The following TLE4 variants were observed in gnomAD, a reference collection of about 807,000 sequenced individuals.
TLE4 encodes TLE family member 4, transcriptional corepressor.
TLE4 carries 8 observed loss-of-function variants against 92.8 expected under a neutral mutation model. That is an observed-to-expected ratio of 0.09 (90% confidence interval 0.05 to 0.16). The LOEUF (loss-of-function observed/expected upper bound fraction) is 0.16, where lower values mean the gene tolerates loss of function less well. TLE4 is among the 10% of genes least tolerant of loss of function. The pLI is 1.00. For missense variants in TLE4, 675 were observed against 997.6 expected (o/e 0.68, Z 4.36); for synonymous variants, 371 against 374.1 (o/e 0.99, Z 0.10).
At chr9:79,639,979 A>T (rs1256410650) in intron 6 of TLE4, among the ~76,000 whole-genome samples, 2 of 152,200 alleles carry the variant, frequency 1.3e-5, no homozygotes, top group Non-Finnish European at 2.9e-5. Flanking sequence ...GAACTACTTA[A>T]GTGAACTCAG....
intron 6 of TLE4, among the ~76,000 whole-genome samples, chr9:79,628,125 G>A (rs1173167522): frequency 6.6e-6 from 1 of 151,644 alleles, no homozygotes; most frequent in African/African-American, 2.4e-5. Context: ...AAAATAATGT[G>A]CTGAAACTTA....
intron 9 of TLE4, 34 bp downstream of exon 9, chr9:79,704,936 A>T (rs760694689): frequency 6.3e-5 from 102 of 1,610,924 alleles, no homozygotes; most frequent in Non-Finnish European, 8.2e-5. Flanking sequence ...AGGGGAGGCC[A>T]GCTTGCCTTT....
chr9:79,633,799 TGTG>T (rs2054973573), intron 6 of TLE4, among the ~76,000 whole-genome samples: 1 of 152,160 alleles, frequency 6.6e-6, no homozygotes, highest in Non-Finnish European at 1.5e-5. Flanking sequence ...CCTTTTTCCT[TGTG>T]GTGTCAGACT....
At chr9:79,713,144 T>C (rs1184086319) in intron 14 of TLE4, among the ~76,000 whole-genome samples, 1 of 152,120 alleles carries the variant, frequency 6.6e-6, no homozygotes, top group Non-Finnish European at 1.5e-5. Flanking sequence ...TTGTGACACA[T>C]TGGAAATGTG....
At chr9:79,653,665 TTATAA>T (rs763794544) in intron 7 of TLE4, among the ~76,000 whole-genome samples, 2 of 152,184 alleles carry the variant, frequency 1.3e-5, no homozygotes, top group Non-Finnish European at 2.9e-5. Flanking sequence ...TTACTGTGAA[TTATAA>T]TATTAAGTCA....
At chr9:79,657,492 C>G (rs1335251750) in intron 8 of TLE4, among the ~76,000 whole-genome samples, 1 of 152,132 alleles carries the variant, frequency 6.6e-6, no homozygotes, top group Non-Finnish European at 1.5e-5. Flanking sequence ...GTGATGGGCT[C>G]TAAAATGGTG....
intron 8 of TLE4, among the ~76,000 whole-genome samples, chr9:79,672,038 T>TG (rs1159110626): frequency 1.5e-5 from 1 of 67,260 alleles, no homozygotes; most frequent in African/African-American, 5.7e-5. Context: ...GAGGTGGTGG[T>TG]GGGGGAGGGG....
chr9:79,621,900 G>A (rs574370108), intron 5 of TLE4, among the ~76,000 whole-genome samples: 2 of 152,220 alleles, frequency 1.3e-5, no homozygotes, highest in African/African-American at 4.8e-5. Context: ...GTCCAAGTTC[G>A]GGCCTAAGTA....
chr9:79,601,170 A>G (rs1318662084), intron 4 of TLE4, among the ~76,000 whole-genome samples: 4 of 152,164 alleles, frequency 2.6e-5, no homozygotes, highest in African/African-American at 7.2e-5. Context: ...TCATTTATTC[A>G]CCCATCAGGA....
chr9:79,717,259 T>C (rs893525907), intron 14 of TLE4, among the ~76,000 whole-genome samples: 2 of 152,234 alleles, frequency 1.3e-5, no homozygotes, highest in Non-Finnish European at 2.9e-5. Context: ...CCTTGAGTTA[T>C]GCTTTCCTGT....
At chr9:79,580,326 T>A (rs2039293098) in intron 4 of TLE4, 1 of 152,230 alleles carries the variant, frequency 6.6e-6, no homozygotes, top group African/African-American at 2.4e-5. Flanking sequence ...AATGTGTAAA[T>A]AAGTGAAATC....
chr9:79,693,214 C>T (rs774495784), intron 8 of TLE4, among the ~76,000 whole-genome samples: 10 of 152,068 alleles, frequency 6.6e-5, no homozygotes, highest in South Asian at 2.1e-4. Context: ...CTTGTGAAGT[C>T]GTTGTTATTC....
chr9:79,615,538 T>G (rs1172020416), intron 5 of TLE4, among the ~76,000 whole-genome samples: 1 of 152,118 alleles, frequency 6.6e-6, no homozygotes, highest in Non-Finnish European at 1.5e-5. Context: ...AGGGGTATAT[T>G]TACATACTGT....
chr9:79,615,718 G>A (rs192877432), intron 5 of TLE4, among the ~76,000 whole-genome samples: 2 of 152,086 alleles, frequency 1.3e-5, no homozygotes, highest in South Asian at 4.1e-4. Context: ...TTAGAAATGA[G>A]TTGTATAATT....
intron 5 of TLE4, among the ~76,000 whole-genome samples, chr9:79,619,417 A>C (rs1171784728): frequency 6.6e-6 from 1 of 152,210 alleles, no homozygotes; most frequent in Non-Finnish European, 1.5e-5. Context: ...GTGATCAGTC[A>C]CTTTCATATT....
chr9:79,628,452 A>G (rs911173472), intron 6 of TLE4, among the ~76,000 whole-genome samples: 4 of 152,144 alleles, frequency 2.6e-5, no homozygotes, highest in African/African-American at 9.7e-5. Context: ...TATTGCTTCA[A>G]TTATTCCTCT....
intron 11 of TLE4, chr9:79,707,319 T>C: frequency 1.1e-6 from 1 of 941,694 alleles, no homozygotes; most frequent in Admixed American, 2.1e-5. Context: ...ATCTAAAAAG[T>C]AATCTCTCAT....
chr9:79,620,834 CAG>C lies in TLE4; in HGVS notation c.316-6539_316-6538del, dbSNP rs1454155837. ...CATTACTTGGCTTCTGGGGAGGACTCAGGGAGCTTTTTTTACTCATGATGGAA... is the reference window on the plus strand; with the variant it reads ...CATTACTTGGCTTCTGGGGAGGACTCGGAGCTTTTTTTACTCATGATGGAA... On this transcript the variant is annotated intron_variant, in intron 5 of 19. Coordinates refer to ENST00000376552, the MANE Select transcript of TLE4 (RefSeq NM_007005.6). Among the ~76,000 whole-genome samples the C allele has an allele frequency of 2.0e-5, 3 of 152,198 alleles. 1 individual carries two copies. The highest frequency in any genetic ancestry group is 6.5e-5 in the Admixed American group (1 of 15,292).
intron 6 of TLE4, among the ~76,000 whole-genome samples, chr9:79,640,673 C>T (rs2056951897): frequency 6.6e-6 from 1 of 152,222 alleles, no homozygotes; most frequent in East Asian, 1.9e-4. Flanking sequence ...ACACTCAGCT[C>T]CTTCTGTTCT....
Sources: allele counts gnomAD v4.1 joint callset (sites outside exome capture counted in the v4.1 genomes callset), GRCh38; gene constraint gnomAD v4.1.1; transcripts MANE v1.5; gene names NCBI Gene and HGNC (gene_info 2026-07-23, HGNC 2026-07-21).